Variants in SLC38A6 observed in about 807,000 individuals in gnomAD.
SLC38A6 encodes N system amino acid transporter NAT-1.
SLC38A6 carries 73 observed loss-of-function variants against 65.0 expected under a neutral mutation model. The ratio of observed to expected loss-of-function variants is 1.12; its 90% CI spans 0.93 to 1.37. The LOEUF (loss-of-function observed/expected upper bound fraction) is 1.37, where lower values mean the gene tolerates loss of function less well. Among genes scored for constraint, SLC38A6 ranks in the 40% most tolerant of loss-of-function variants. The pLI is 0.00. For synonymous variants in SLC38A6, 183 were observed against 178.8 expected (o/e 1.02, Z -0.19); for missense variants, 561 against 531.1 (o/e 1.06, Z -0.55).
At chr14:60,991,959 G>A (rs1034484976) in intron 3 of SLC38A6, among the ~76,000 whole-genome samples, 13 of 152,134 alleles carry the variant, frequency 8.5e-5, no homozygotes, top group Admixed American at 3.3e-4. Flanking sequence ...TAATATGCCC[G>A]ATGGCCATAC....
chr14:61,014,578 C>G (rs1418031640), intron 3 of SLC38A6, among the ~76,000 whole-genome samples: 1 of 152,124 alleles, frequency 6.6e-6, no homozygotes, highest in Non-Finnish European at 1.5e-5. Flanking sequence ...GATGTCCTTT[C>G]TGTTTGTTAG....
At chr14:60,989,552 C>T (rs2037707739) in intron 3 of SLC38A6, among the ~76,000 whole-genome samples, 1 of 151,846 alleles carries the variant, frequency 6.6e-6, no homozygotes, top group African/African-American at 2.4e-5. Context: ...GGTGAAACCC[C>T]ATCTCTACAA....
chr14:60,994,560 T>C (rs1242922047), intron 3 of SLC38A6, among the ~76,000 whole-genome samples: 1 of 149,924 alleles, frequency 6.7e-6, no homozygotes, highest in African/African-American at 2.5e-5. Flanking sequence ...AAAAATTAGC[T>C]GGGCATGATG....
chr14:61,004,902 C>T (rs1179913322), intron 3 of SLC38A6, among the ~76,000 whole-genome samples: 1 of 152,070 alleles, frequency 6.6e-6, no homozygotes, highest in African/African-American at 2.4e-5. Flanking sequence ...AATTTTAGAC[C>T]AATATCCTTG....
intron 8 of SLC38A6, among the ~76,000 whole-genome samples, chr14:61,040,533 G>T (rs1381691341): frequency 5.3e-5 from 8 of 152,000 alleles, no homozygotes; most frequent in African/African-American, 1.9e-4. Flanking sequence ...TAGAGACAGG[G>T]TTTGACCGTG....
At chr14:61,053,959 C>G (rs1384366070), downstream of SLC38A6, among the ~76,000 whole-genome samples, 1 of 152,038 alleles carries the variant, frequency 6.6e-6, no homozygotes. Context: ...ATTCCTATGT[C>G]TGGGATGGTA....
chr14:61,082,629 C>T (rs943633463), intron 16 of SLC38A6, among the ~76,000 whole-genome samples: 31 of 152,284 alleles, frequency 2.0e-4, no homozygotes, highest in Admixed American at 1.4e-3. Context: ...CACCTGCAGA[C>T]GCCTGTAGGT....
intron 5 of SLC38A6, among the ~76,000 whole-genome samples, chr14:61,021,252 T>C (rs962776977): frequency 3.3e-5 from 5 of 152,184 alleles, no homozygotes; most frequent in Non-Finnish European, 7.4e-5. Flanking sequence ...TCTAAGTACC[T>C]TAAATATTCT....
At chr14:61,052,321 T>C (rs1190916439) in intron 15 of SLC38A6, 28 bp from the exon 16 acceptor site, 2 of 1,524,064 alleles carry the variant, frequency 1.3e-6, no homozygotes, top group Non-Finnish European at 1.8e-6. Context: ...ATCTTTCTTA[T>C]CTTTTATCTT....
Position 61,041,177 on chromosome 14 carries a change from A to T in SLC38A6, c.625-1970A>T, listed in dbSNP as rs138474272. Among the ~76,000 whole-genome samples the T allele has an allele frequency of 4.7e-3, 720 of 152,228 alleles. 5 individuals are homozygous for T. Among genetic ancestry groups the T allele is most frequent in the African/African-American group, 0.017 (687 of 41,548 alleles). On this transcript the variant is annotated intron_variant, in intron 8 of 15. Coordinates refer to ENST00000267488, the MANE Select transcript of SLC38A6 (RefSeq NM_153811.3). ...TCTCCTTTTTCCCTTTGTCATTCCAACCCCAAGACTTACCTTCTTACCAAC... is the reference window on the plus strand; with the variant it reads ...TCTCCTTTTTCCCTTTGTCATTCCATCCCCAAGACTTACCTTCTTACCAAC...
At chr14:61,077,982 C>T (rs762329837) in intron 15 of SLC38A6, among the ~76,000 whole-genome samples, 1 of 152,228 alleles carries the variant, frequency 6.6e-6, no homozygotes, top group African/African-American at 2.4e-5. Context: ...AGCTGATTTT[C>T]CCTGTCACAA....
intron 5 of SLC38A6, among the ~76,000 whole-genome samples, chr14:61,021,654 T>C (rs543569181): frequency 2.0e-5 from 3 of 152,152 alleles, no homozygotes; most frequent in Non-Finnish European, 4.4e-5. Flanking sequence ...AACTTTTTTT[T>C]AAAAAGGTGA....
In SLC38A6 at chr14:60,982,526, T is replaced by C; in HGVS notation, c.124T>C (p.Ser42Pro). The C allele has an allele frequency of 6.2e-7, 1 of 1,611,882 alleles. No individual in the cohort carries two copies. Among genetic ancestry groups the C allele is most frequent in the Non-Finnish European group, 8.5e-7 (1 of 1,179,508 alleles). The change falls in exon 2 of 16, where the codon TCC becomes CCC. Residue 42 changes from serine (S) to proline (P), a missense_variant. Ser to Pro is a moderately conservative substitution (Grantham distance 74). Coordinates refer to ENST00000267488, the MANE Select transcript of SLC38A6 (RefSeq NM_153811.3). ...LLSNELHRQR[S>P]PGVSFGLSVF... is the part of the protein sequence containing the mutation. ...CTTACAGGAACTTCACAGACAGCGA[T>C]CCCCAGGTGTTTCATTTGGTTTATC... is the stretch of plus-strand genomic sequence containing the variant.
intron 3 of SLC38A6, among the ~76,000 whole-genome samples, chr14:61,015,169 G>A (rs1191063907): frequency 6.6e-6 from 1 of 152,208 alleles, no homozygotes; most frequent in African/African-American, 2.4e-5. Flanking sequence ...GTGGGCATAG[G>A]ACCCTCCGAG....
intron 12 of SLC38A6, chr14:61,048,046 C>T (rs993881326): frequency 7.4e-6 from 3 of 405,560 alleles, no homozygotes; most frequent in African/African-American, 6.3e-5. Flanking sequence ...ATAAATGATA[C>T]AAAAGTAGTA....
chr14:60,996,314 A>T (rs1427637365), intron 3 of SLC38A6, among the ~76,000 whole-genome samples: 1 of 152,216 alleles, frequency 6.6e-6, no homozygotes, highest in Admixed American at 6.5e-5. Flanking sequence ...CTAAAAGAAG[A>T]TCCTGCATTC....
chr14:61,008,744 G>A (rs1443136811), intron 3 of SLC38A6, among the ~76,000 whole-genome samples: 1 of 152,112 alleles, frequency 6.6e-6, no homozygotes, highest in Non-Finnish European at 1.5e-5. Context: ...ACAAAAGAAA[G>A]TATATGCCCA....
chr14:61,000,545 C>T (rs753599797), intron 3 of SLC38A6, among the ~76,000 whole-genome samples: 2 of 152,280 alleles, frequency 1.3e-5, no homozygotes, highest in African/African-American at 2.4e-5. Context: ...TCAGGAGAAT[C>T]GCTTGAACCC....
intron 12 of SLC38A6, among the ~76,000 whole-genome samples, chr14:61,047,086 T>G (rs2042195878): frequency 6.6e-6 from 1 of 152,136 alleles, no homozygotes; most frequent in South Asian, 2.1e-4. Context: ...GTGGAATAGC[T>G]ATATATTTCT....
Sources: allele counts gnomAD v4.1 joint callset (sites outside exome capture counted in the v4.1 genomes callset), GRCh38; gene constraint gnomAD v4.1.1; transcripts MANE v1.5; gene names NCBI Gene and HGNC (gene_info 2026-07-23, HGNC 2026-07-21).